ENTREP2: variants seen among roughly 807,000 people sequenced by gnomAD.
ENTREP2 encodes endosomal transmembrane epsin interactor 2, also known as protein ENTREP2.
the ENTREP2 span, among the ~76,000 whole-genome samples, chr15:29,540,502 C>G: frequency 6.6e-6 from 1 of 152,242 alleles, no homozygotes; most frequent in African/African-American, 2.4e-5. Flanking sequence ...TCTTCTTAGG[C>G]ATCACACAAG....
chr15:29,483,945 C>T, the ENTREP2 span, among the ~76,000 whole-genome samples: 1 of 152,214 alleles, frequency 6.6e-6, no homozygotes, highest in South Asian at 2.1e-4. Context: ...AGTCCTCATA[C>T]AAAAACTTTC....
the ENTREP2 span, among the ~76,000 whole-genome samples, chr15:29,125,504 G>T: frequency 6.6e-6 from 1 of 152,154 alleles, no homozygotes; most frequent in Non-Finnish European, 1.5e-5. Context: ...GTAGAGATCA[G>T]CTGGGCAAGA....
the ENTREP2 span, among the ~76,000 whole-genome samples, chr15:29,140,367 G>A: frequency 6.6e-6 from 1 of 152,154 alleles, no homozygotes. Context: ...CCTCCTCGCA[G>A]GAGCTTCTAA....
chr15:29,312,333 C>G, the ENTREP2 span, among the ~76,000 whole-genome samples: 1 of 115,946 alleles, frequency 8.6e-6, no homozygotes, highest in East Asian at 2.3e-4. Context: ...AAAACAAGCA[C>G]CAAAAAAAAA....
chr15:29,580,173 C>A, the ENTREP2 span, among the ~76,000 whole-genome samples: 8 of 152,124 alleles, frequency 5.3e-5, no homozygotes, highest in South Asian at 1.7e-3. Context: ...AGCTTCTGGA[C>A]AGTAATGGGT....
the ENTREP2 span, among the ~76,000 whole-genome samples, chr15:29,309,370 C>T: frequency 6.6e-6 from 1 of 152,290 alleles, no homozygotes; most frequent in African/African-American, 2.4e-5. Context: ...ACCTCACTTG[C>T]TTTCCCACAG....
chr15:29,304,921 C>T, the ENTREP2 span, among the ~76,000 whole-genome samples: 92 of 152,310 alleles, frequency 6.0e-4, no homozygotes, highest in Non-Finnish European at 1.0e-3. Context: ...GAGTCACATG[C>T]TCAATCAGCT....
chr15:29,407,904 C>T, the ENTREP2 span, among the ~76,000 whole-genome samples: 3 of 152,092 alleles, frequency 2.0e-5, no homozygotes, highest in African/African-American at 7.2e-5. Flanking sequence ...GTCTCGAACT[C>T]CTGACCTCCA....
the ENTREP2 span, among the ~76,000 whole-genome samples, chr15:29,450,607 G>A: frequency 6.6e-6 from 1 of 152,114 alleles, no homozygotes; most frequent in Non-Finnish European, 1.5e-5. Context: ...AGCAATCCTA[G>A]TACTGAGGAT....
chr15:29,479,503 C>T, the ENTREP2 span, among the ~76,000 whole-genome samples: 1 of 152,100 alleles, frequency 6.6e-6, no homozygotes, highest in African/African-American at 2.4e-5. Flanking sequence ...AGCCACACAT[C>T]AGTGCTCCGG....
the ENTREP2 span, among the ~76,000 whole-genome samples, chr15:29,496,426 C>G: frequency 6.6e-6 from 1 of 151,642 alleles, no homozygotes; most frequent in African/African-American, 2.4e-5. Context: ...TTTTTACTGC[C>G]TAATTGCTTT....
At chr15:29,601,296 A>G in the ENTREP2 span, among the ~76,000 whole-genome samples, 64 of 152,294 alleles carry the variant, frequency 4.2e-4, no homozygotes, top group Non-Finnish European at 7.4e-4. Flanking sequence ...AGTAAAACTG[A>G]TATTTGATTA....
chr15:29,138,803 C>T, the ENTREP2 span, among the ~76,000 whole-genome samples: 2 of 151,878 alleles, frequency 1.3e-5, no homozygotes, highest in African/African-American at 4.8e-5. Context: ...GGTCTCCAAG[C>T]ACTGTGTGGG....
the ENTREP2 span, among the ~76,000 whole-genome samples, chr15:29,548,411 T>C: frequency 2.0e-5 from 3 of 148,092 alleles, no homozygotes; most frequent in Non-Finnish European, 4.4e-5. Flanking sequence ...GCTGAGATCA[T>C]GCCACTGCAC....
At chr15:29,326,514 T>C in the ENTREP2 span, among the ~76,000 whole-genome samples, 1 of 151,974 alleles carries the variant, frequency 6.6e-6, no homozygotes, top group South Asian at 2.1e-4. Context: ...TGACAAAATA[T>C]GTATAAGAAC....
chr15:29,502,003 T>C, the ENTREP2 span, among the ~76,000 whole-genome samples: 3 of 151,908 alleles, frequency 2.0e-5, no homozygotes, highest in Admixed American at 6.6e-5. Context: ...CCATAAAACA[T>C]TGCTGAAGTA....
the ENTREP2 span, among the ~76,000 whole-genome samples, chr15:29,250,945 C>A: frequency 6.6e-6 from 1 of 152,150 alleles, no homozygotes; most frequent in Admixed American, 6.5e-5. Flanking sequence ...CAAGATGAAG[C>A]CCCAACAATT....
the ENTREP2 span, chr15:29,374,100 A>G: frequency 6.6e-6 from 1 of 152,170 alleles, no homozygotes; most frequent in Non-Finnish European, 1.5e-5. Flanking sequence ...ATTCAAAACA[A>G]TGAATATTTA....
the ENTREP2 span, among the ~76,000 whole-genome samples, chr15:29,307,521 T>C: frequency 6.6e-6 from 1 of 152,176 alleles, no homozygotes; most frequent in Non-Finnish European, 1.5e-5. Flanking sequence ...AAGGAGAAAT[T>C]AGATTTAGAG....
Sources: gnomAD v4.1 joint callset for allele counts (sites outside exome capture counted in the v4.1 genomes callset) on GRCh38, gnomAD v4.1.1 for gene constraint, MANE v1.5 for transcripts, NCBI Gene and HGNC (gene_info 2026-07-23, HGNC 2026-07-21) for gene names.